The following MYLK variants were observed in gnomAD, a reference collection of about 807,000 sequenced individuals.
MYLK encodes the protein myosin light chain kinase.
In MYLK, 106 loss-of-function variants were observed where a neutral mutation model predicts 203.4. That is an observed-to-expected ratio of 0.52 (90% confidence interval 0.45 to 0.61). The LOEUF is 0.61. Ranked by LOEUF, MYLK falls within the 20% of genes least tolerant of loss-of-function variation. MYLK has a pLI of 0.00. For missense variants in MYLK, 2,072 were observed against 2,442.3 expected, an observed-to-expected ratio of 0.85 and a Z score of 3.20; for synonymous variants, 867 against 959.5, an observed-to-expected ratio of 0.90 and a Z score of 1.78.
chr3:123,652,231 G>C (rs1011308496), intron 24 of MYLK, among the ~76,000 whole-genome samples: 2 of 152,204 alleles, frequency 1.3e-5, no homozygotes, highest in Non-Finnish European at 1.5e-5. Context: ...GTGCATAAAG[G>C]GTTGTTGAGA....
chr3:123,764,272 C>G (rs1315507982), intron 4 of MYLK, among the ~76,000 whole-genome samples: 1 of 152,124 alleles, frequency 6.6e-6, no homozygotes, highest in Non-Finnish European at 1.5e-5. Flanking sequence ...ATCTGATGAT[C>G]CTTTACTGAT....
At chr3:123,661,996 T>C (rs910658704) in intron 23 of MYLK, among the ~76,000 whole-genome samples, 1 of 152,218 alleles carries the variant, frequency 6.6e-6, no homozygotes, top group African/African-American at 2.4e-5. Flanking sequence ...GTGTCTTCCT[T>C]ATTCACCTGG....
intron 3 of MYLK, among the ~76,000 whole-genome samples, chr3:123,811,107 A>G (rs2065544835): frequency 6.6e-6 from 1 of 152,246 alleles, no homozygotes; most frequent in South Asian, 2.1e-4. Flanking sequence ...ATCAACTGAG[A>G]GCACAGCCCA....
At chr3:123,666,781 G>C (rs1212305841) in intron 21 of MYLK, 1 of 526,518 alleles carries the variant, frequency 1.9e-6, no homozygotes, top group East Asian at 3.4e-5. Flanking sequence ...ACACAGAGCT[G>C]GGCACAAAAA....
At position 123,700,377 on chromosome 3, in the gene MYLK, G is replaced by C; in HGVS notation, c.3091C>G (p.Pro1031Ala). The C allele has an allele frequency of 6.2e-7, 1 of 1,613,808 alleles. No homozygotes were observed. The highest frequency in any genetic ancestry group is 8.5e-7 in the Non-Finnish European group (1 of 1,179,966). Residue 1031 changes from proline (P) to alanine (A), a missense_variant, in exon 18 of 34, where the codon CCT becomes GCT. Coordinates refer to ENST00000360304, the MANE Select transcript of MYLK (RefSeq NM_053025.4). Reference protein sequence around the residue: ...GPLKPVGNAKPAETLKPMGNA... With the variant: ...GPLKPVGNAKAAETLKPMGNA... ...CCCATTGGCTTCAGGGTCTCAGCAGGCTTGGCGTTGCCCACGGGTTTCAAG... is the reference window on the plus strand; with the variant it reads ...CCCATTGGCTTCAGGGTCTCAGCAGCCTTGGCGTTGCCCACGGGTTTCAAG...
intron 29 of MYLK, among the ~76,000 whole-genome samples, chr3:123,634,698 G>A (rs960805090): frequency 1.3e-5 from 2 of 152,188 alleles, no homozygotes; most frequent in African/African-American, 4.8e-5. Context: ...TTGTGGAGTA[G>A]GGTGAGGGAA....
chr3:123,650,920 G>C (rs1030117123), intron 24 of MYLK, among the ~76,000 whole-genome samples: 2 of 152,164 alleles, frequency 1.3e-5, no homozygotes, highest in Non-Finnish European at 2.9e-5. Flanking sequence ...TCTACTGCTT[G>C]GGCTGTCAGA....
rs908624269 is a variant in MYLK, at chr3:123,666,965, C to T, written c.3703+172G>A. On this transcript the variant is annotated intron_variant, in intron 21 of 33. Coordinates refer to ENST00000360304, the MANE Select transcript of MYLK (RefSeq NM_053025.4). ...CCAGGAGCCAGGCTGTGCAGAGGCT[C>T]TCCATGAGCAAACTCAGCCTGAAAA... is the stretch of plus-strand genomic sequence containing the variant. 5 of 671,772 alleles carry T rather than the reference C, an allele frequency of 7.4e-6. No homozygotes were observed. The African/African-American group carries it at 9.5e-5, about 13-fold the overall frequency. 41.6% of individuals were successfully genotyped at this position (671,772 alleles called of 1,614,324 possible).
intron 13 of MYLK, among the ~76,000 whole-genome samples, chr3:123,720,251 C>A (rs1178783258): frequency 6.6e-6 from 1 of 152,168 alleles, no homozygotes; most frequent in Non-Finnish European, 1.5e-5. Flanking sequence ...CCCCCACAGG[C>A]CCGGGAGTCA....
Position 123,785,710 on chromosome 3 carries a change from G to A in MYLK, c.165+7967C>T, listed in dbSNP as rs1041167497. On this transcript the variant is annotated intron_variant, in intron 4 of 33. Transcript: ENST00000360304. Reference sequence around the variant, plus strand: ...AGAAGGCTCTCAATCAGCCCTGTCCGAAAGGACATTCTATGATAATGGAAA... The same window carrying A: ...AGAAGGCTCTCAATCAGCCCTGTCCAAAAGGACATTCTATGATAATGGAAA... 3.5e-4 allele frequency among the ~76,000 whole-genome samples: 53 copies of A among 152,336 alleles called. 1 individual carries two copies. The highest frequency in any genetic ancestry group is 6.8e-3 in the Middle Eastern group (2 of 294).
intron 2 of MYLK, among the ~76,000 whole-genome samples, chr3:123,865,337 T>C (rs1422257672): frequency 3.3e-5 from 5 of 152,326 alleles, no homozygotes; most frequent in Admixed American, 6.5e-5. Context: ...TCCATACTCA[T>C]GTCTCTTCCA....
Position 123,629,577 on chromosome 3 carries a change from C to T in MYLK, c.5011G>A (p.Ala1671Thr). ...TCCCAGGTGGCTGAGGTAACGTTGG[C>T]CAAGGTTTCGTTATCGTTGTCTCCC... ...FMGDNDNETL[A>T]NVTSATWDFD... The change falls in exon 30 of 34, where the codon GCC (alanine) becomes ACC (threonine). Residue 1671 changes from alanine (A) to threonine (T), a missense_variant. Physicochemically the swap from Ala to Thr is moderately conservative, Grantham distance 58. Transcript: ENST00000360304. This position sits in a 1 kb window ranked among gnomAD's most constrained non-coding sequence, Gnocchi z 4.4. The T allele has an allele frequency of 6.2e-7, 1 of 1,614,154 alleles. No individual in the cohort carries two copies. The highest frequency in any genetic ancestry group is 2.2e-5 in the East Asian group (1 of 44,880).
In MYLK at chr3:123,648,945, C is replaced by CT. The variant is rs2059115073; in HGVS notation, c.4415+25_4415+26insA. On this transcript the variant is annotated intron_variant, in intron 26 of 33. Transcript: ENST00000360304. The surrounding 1 kb of genome is among the most constrained non-coding windows in gnomAD (Gnocchi z 4.5). ...CCGCACCACCCTCACCCTGGGAGCC[C>CT]AGAGGCAACTTCCCACTCCACTTAC... 1 of 1,606,650 alleles carries CT rather than the reference C, an allele frequency of 6.2e-7. No individual in the cohort carries two copies. The highest frequency in any genetic ancestry group is 1.7e-5 in the Admixed American group (1 of 59,996).
chr3:123,830,378 A>G (rs1247953424), intron 3 of MYLK, among the ~76,000 whole-genome samples: 1 of 152,206 alleles, frequency 6.6e-6, no homozygotes, highest in African/African-American at 2.4e-5. Flanking sequence ...GTCCAACCTT[A>G]TAGTCACTTT....
At chr3:123,771,135 C>T (rs1446239812) in intron 4 of MYLK, among the ~76,000 whole-genome samples, 3 of 152,228 alleles carry the variant, frequency 2.0e-5, no homozygotes, top group Non-Finnish European at 4.4e-5. Flanking sequence ...TTGGAATGAT[C>T]TACTCCTTGA....
intron 3 of MYLK, among the ~76,000 whole-genome samples, chr3:123,810,598 T>C (rs538366497): frequency 8.9e-4 from 135 of 152,286 alleles, no homozygotes; most frequent in African/African-American, 3.2e-3. Flanking sequence ...TCATGTCTCT[T>C]CTAGATGAAC....
chr3:123,627,676 A>G (rs975244993), intron 30 of MYLK, among the ~76,000 whole-genome samples: 1 of 152,214 alleles, frequency 6.6e-6, no homozygotes, highest in African/African-American at 2.4e-5. Context: ...GGGATTATAG[A>G]TGATTTAAAT....
At chr3:123,750,199 C>T (rs973688906) in intron 5 of MYLK, among the ~76,000 whole-genome samples, 1 of 152,240 alleles carries the variant, frequency 6.6e-6, no homozygotes, top group African/African-American at 2.4e-5. Context: ...TCTCTATCTC[C>T]TAGAGTTAGA....
rs573683956 is a variant in MYLK at position 123,719,330 on chromosome 3, G to A, written c.1804+2798C>T. 6.6e-4 allele frequency among the ~76,000 whole-genome samples: 100 copies of A among 152,120 alleles called. No homozygotes were observed. In the South Asian group the frequency reaches 7.5e-3, roughly 11 times the overall value. On this transcript the variant is annotated intron_variant, in intron 13 of 33. Transcript: ENST00000360304. ...GGCCAGAGCCCTTGGAAGCAGGCAC[G>A]AGTGTTCATGGCTTGTGTCTGGCTG...
Sources: allele counts gnomAD v4.1 joint callset (sites outside exome capture counted in the v4.1 genomes callset), GRCh38; gene constraint gnomAD v4.1.1; non-coding constraint Gnocchi (gnomAD v3.1); transcripts MANE v1.5; gene names NCBI Gene and HGNC (gene_info 2026-07-23, HGNC 2026-07-21).